TTLL7: variants seen among roughly 807,000 people sequenced by gnomAD.
TTLL7 encodes tubulin polyglutamylase TTLL7.
Under a neutral mutation model 120.2 loss-of-function variants are expected in TTLL7, and 53 were observed. The ratio of observed to expected loss-of-function variants is 0.44; its 90% CI spans 0.35 to 0.55. The LOEUF is 0.55. TTLL7 is among the 20% of genes least tolerant of loss of function. The pLI, the probability that TTLL7 is intolerant of heterozygous loss-of-function variation, is 0.00. For missense variants in TTLL7, 803 were observed against 1,054.7 expected (o/e 0.76, Z 3.31); for synonymous variants, 353 against 351.7 (o/e 1.00, Z -0.04).
chr1:83,958,651 CT>C (rs1176164558), intron 1 of TTLL7, among the ~76,000 whole-genome samples: 1 of 152,178 alleles, frequency 6.6e-6, no homozygotes, highest in Admixed American at 6.5e-5. Flanking sequence ...TTGATATATG[CT>C]TTCTCTTATA....
At position 83,867,270 on chromosome 1, in the gene TTLL7, C is replaced by T. The variant is rs1168763700; in HGVS notation, c.*2692G>A. ...CTTCCATGGTTTATTGTTGTGTCTT[C>T]TCTTAGTTGCTCATTAGGGAATAGC... On this transcript the variant is annotated 3_prime_UTR_variant, in exon 21 of 21. Transcript: ENST00000260505. The T allele has an allele frequency of 2.6e-5, 4 of 151,964 alleles. No individual in the cohort carries two copies. Among genetic ancestry groups the T allele is most frequent in the African/African-American group, 9.7e-5 (4 of 41,418 alleles). The allele number at this position is 151,964 out of a possible 1,614,324, so 9.4% of individuals were successfully genotyped here. A position where few individuals can be genotyped will look rare whatever the true frequency, so the allele number is the denominator to read the frequency against.
At position 83,917,641 on chromosome 1, in the gene TTLL7, T is replaced by A; in HGVS notation, c.1550A>T (p.Lys517Met). The A allele has an allele frequency of 6.2e-7, 1 of 1,613,570 alleles. No individual in the cohort carries two copies. The highest frequency in any genetic ancestry group is 8.5e-7 in the Non-Finnish European group (1 of 1,179,622). Residue 517 changes from lysine to methionine, a missense_variant, in exon 14 of 21, where the codon AAG (lysine) becomes ATG (methionine). Around this residue, in one of 3 missense-constraint regions of TTLL7, gnomAD observed 388 missense variants for 450.4 expected, o/e 0.86. Coordinates refer to ENST00000260505, the MANE Select transcript of TTLL7 (RefSeq NM_024686.6). ...LLEQCEIDDE[K>M]LMGKTTKTRG... ...AGTCTTGGTAGTTTTTCCCATCAAC[T>A]TTTCATCATCAATTTCACATTGCTC...
intron 1 of TTLL7, chr1:83,979,946 C>T (rs1651809634): frequency 6.6e-6 from 1 of 152,166 alleles, no homozygotes. Flanking sequence ...ATCAAATACG[C>T]ATCATGTTCT....
intron 8 of TTLL7, 92 bp from the exon 9 acceptor site, chr1:83,933,858 C>G: frequency 7.9e-7 from 1 of 1,258,920 alleles, no homozygotes; most frequent in Non-Finnish European, 1.1e-6. Context: ...GCAGCCTGGC[C>G]AAGTTTACAA....
intron 7 of TTLL7, among the ~76,000 whole-genome samples, chr1:83,941,828 A>G (rs1456389301): frequency 6.6e-6 from 1 of 152,138 alleles, no homozygotes; most frequent in African/African-American, 2.4e-5. Context: ...AAAAAGTCTT[A>G]ATGAAAACAT....
At chr1:83,923,002 G>A (rs1394522357) in intron 10 of TTLL7, among the ~76,000 whole-genome samples, 1 of 150,690 alleles carries the variant, frequency 6.6e-6, no homozygotes, top group Non-Finnish European at 1.5e-5. Flanking sequence ...ATAAGAAAGA[G>A]AGATGAACTT....
At chr1:83,967,054 T>G (rs2100556966) in intron 1 of TTLL7, among the ~76,000 whole-genome samples, 1 of 152,254 alleles carries the variant, frequency 6.6e-6, no homozygotes, top group South Asian at 2.1e-4. Context: ...TTTGTATGGA[T>G]GAAAGTAATG....
intron 10 of TTLL7, among the ~76,000 whole-genome samples, chr1:83,924,999 A>T (rs1009892819): frequency 6.6e-6 from 1 of 152,222 alleles, no homozygotes; most frequent in African/African-American, 2.4e-5. Flanking sequence ...TTTAAACTTT[A>T]TCAGACAATG....
rs1365423402 is a variant in TTLL7, at chr1:83,998,933, G to A, written c.-179C>T. The A allele has an allele frequency of 4.9e-6, 2 of 411,766 alleles. No homozygotes were observed. The highest frequency in any genetic ancestry group is 9.7e-6 in the Non-Finnish European group (2 of 205,182). 25.5% of individuals were successfully genotyped at this position (411,766 alleles called of 1,614,324 possible). ...GGATGGCGGCAGCAGGTACTCACCC[G>A]GGTGAGGAAAGCCCAGCCCGGGTCC... On this transcript the variant is annotated splice_region_variant and 5_prime_UTR_variant, in exon 1 of 21. Transcript: ENST00000260505.
intron 1 of TTLL7, among the ~76,000 whole-genome samples, chr1:83,965,252 G>C (rs1557754301): frequency 6.6e-6 from 1 of 152,094 alleles, no homozygotes; most frequent in Non-Finnish European, 1.5e-5. Context: ...CACGTGTCAA[G>C]GGAGGGACCT....
chr1:83,987,654 A>G (rs1013977028), intron 1 of TTLL7, among the ~76,000 whole-genome samples: 8 of 152,364 alleles, frequency 5.3e-5, no homozygotes, highest in Non-Finnish European at 8.8e-5. Flanking sequence ...GCTAATAACA[A>G]CAAATGCTAC....
At chr1:83,927,357 A>T (rs1206745543) in intron 10 of TTLL7, among the ~76,000 whole-genome samples, 1 of 152,186 alleles carries the variant, frequency 6.6e-6, no homozygotes, top group East Asian at 1.9e-4. Flanking sequence ...TACTATGCAG[A>T]CAAAAGTTCC....
intron 10 of TTLL7, among the ~76,000 whole-genome samples, chr1:83,928,868 G>C (rs935242271): frequency 6.6e-6 from 1 of 151,628 alleles, no homozygotes; most frequent in Admixed American, 6.6e-5. Flanking sequence ...CTGTTGCCTG[G>C]GAAGCAGGAA....
At chr1:83,924,262 A>T (rs1658923488) in intron 10 of TTLL7, among the ~76,000 whole-genome samples, 1 of 152,190 alleles carries the variant, frequency 6.6e-6, no homozygotes, top group South Asian at 2.1e-4. Context: ...AGCACAAAGG[A>T]GTTAGTAAAC....
intron 6 of TTLL7, among the ~76,000 whole-genome samples, chr1:83,944,819 C>A (rs1237126584): frequency 6.6e-6 from 1 of 152,144 alleles, no homozygotes; most frequent in Non-Finnish European, 1.5e-5. Flanking sequence ...TAAATCTATG[C>A]TGATGGACAC....
At chr1:83,993,104 C>T (rs1478298314) in intron 1 of TTLL7, among the ~76,000 whole-genome samples, 1 of 152,144 alleles carries the variant, frequency 6.6e-6, no homozygotes, top group Non-Finnish European at 1.5e-5. Flanking sequence ...CAACACTTTA[C>T]ATTATGACAT....
At chr1:83,912,865 A>T (rs550328043) in intron 14 of TTLL7, 6 of 152,174 alleles carry the variant, frequency 3.9e-5, no homozygotes, top group Non-Finnish European at 8.8e-5. Context: ...CACAATCATC[A>T]AACATTTTGA....
chr1:83,963,693 A>G (rs1286466569), intron 1 of TTLL7, among the ~76,000 whole-genome samples: 3 of 152,070 alleles, frequency 2.0e-5, no homozygotes, highest in African/African-American at 7.2e-5. Flanking sequence ...TTTAATTTAC[A>G]TATTCTCCAA....
intron 19 of TTLL7, among the ~76,000 whole-genome samples, chr1:83,883,349 G>C (rs1442722753): frequency 6.6e-6 from 1 of 151,940 alleles, no homozygotes; most frequent in African/African-American, 2.4e-5. Context: ...TATACTATTT[G>C]TCCGTGTGTG....
Sources: allele counts gnomAD v4.1 joint callset (sites outside exome capture counted in the v4.1 genomes callset), GRCh38; gene constraint gnomAD v4.1.1; regional missense constraint gnomAD v4.1.1; transcripts MANE v1.5; gene names NCBI Gene and HGNC (gene_info 2026-07-23, HGNC 2026-07-21).